The following KCTD8 variants were observed in gnomAD, a reference collection of about 807,000 sequenced individuals.
KCTD8 encodes the protein BTB/POZ domain-containing protein KCTD8.
KCTD8 carries 27 observed loss-of-function variants against 31.5 expected under a neutral mutation model. That is an observed-to-expected ratio of 0.86 (90% CI 0.63 to 1.18). The LOEUF (loss-of-function observed/expected upper bound fraction) is 1.18, where lower values mean the gene tolerates loss of function less well. KCTD8 is among the 50% of genes most tolerant of loss of function. The probability of loss-of-function intolerance (pLI) is 0.00; values close to 1 mark genes in which losing one functional copy is unlikely to be tolerated. For missense variants in KCTD8, 658 were observed against 647.7 expected (o/e 1.02, Z -0.17); for synonymous variants, 290 against 280.0 (o/e 1.04, Z -0.36).
At chr4:44,398,776 C>A (rs553538831) in intron 1 of KCTD8, among the ~76,000 whole-genome samples, 1 of 152,102 alleles carries the variant, frequency 6.6e-6, no homozygotes, top group Non-Finnish European at 1.5e-5. Context: ...GAGCTAGGTA[C>A]GGCATACCCC....
intron 1 of KCTD8, among the ~76,000 whole-genome samples, chr4:44,310,893 C>T (rs1299384027): frequency 6.6e-6 from 1 of 151,920 alleles, no homozygotes; most frequent in Non-Finnish European, 1.5e-5. Context: ...ATACATTAAC[C>T]CTTATAAATC....
At chr4:44,366,479 T>A (rs1719640113) in intron 1 of KCTD8, among the ~76,000 whole-genome samples, 1 of 152,206 alleles carries the variant, frequency 6.6e-6, no homozygotes, top group Non-Finnish European at 1.5e-5. Flanking sequence ...CCTCTTTGCC[T>A]TCTGCTATGA....
chr4:44,303,631 C>T (rs142042754), intron 1 of KCTD8, among the ~76,000 whole-genome samples: 1,780 of 152,030 alleles, frequency 0.012, 32 homozygotes, highest in African/African-American at 0.041. Context: ...GCCTGGGCAA[C>T]ATAGCAAAAT....
intron 1 of KCTD8, among the ~76,000 whole-genome samples, chr4:44,367,342 A>T (rs1490917339): frequency 6.6e-6 from 1 of 152,164 alleles, no homozygotes; most frequent in African/African-American, 2.4e-5. Flanking sequence ...AATTTAACAA[A>T]TTATTCATTT....
chr4:44,395,372 G>T (rs1305595701), intron 1 of KCTD8, among the ~76,000 whole-genome samples: 1 of 152,066 alleles, frequency 6.6e-6, no homozygotes, highest in Admixed American at 6.6e-5. Flanking sequence ...CTGAAATAGG[G>T]TGTAGGCCAA....
intron 1 of KCTD8, among the ~76,000 whole-genome samples, chr4:44,340,555 C>T (rs1475939479): frequency 5.4e-5 from 8 of 149,136 alleles, no homozygotes; most frequent in African/African-American, 7.4e-5. Context: ...TGATCCACCC[C>T]GCCTCGGCCT....
intron 1 of KCTD8, among the ~76,000 whole-genome samples, chr4:44,266,613 G>C (rs955889275): frequency 6.6e-6 from 1 of 150,988 alleles, no homozygotes; most frequent in South Asian, 2.1e-4. Context: ...TGGATAAAGA[G>C]TCAAGACCCA....
chr4:44,200,220 T>A (rs1238326903), intron 1 of KCTD8, among the ~76,000 whole-genome samples: 1 of 151,748 alleles, frequency 6.6e-6, no homozygotes, highest in Non-Finnish European at 1.5e-5. Flanking sequence ...AGCCATATTC[T>A]ACCAGATAGA....
chr4:44,438,649 G>GT (rs1721739908), intron 1 of KCTD8, among the ~76,000 whole-genome samples: 1 of 152,150 alleles, frequency 6.6e-6, no homozygotes, highest in Non-Finnish European at 1.5e-5. Flanking sequence ...ATTTTAAAAA[G>GT]TAAGAACTCA....
intron 1 of KCTD8, among the ~76,000 whole-genome samples, chr4:44,374,313 G>C (rs996288058): frequency 2.0e-5 from 3 of 152,134 alleles, no homozygotes; most frequent in Admixed American, 2.0e-4. Context: ...TCTGCAGTTT[G>C]CTTGCCATTC....
At chr4:44,241,546 G>A (rs1715455981) in intron 1 of KCTD8, among the ~76,000 whole-genome samples, 1 of 152,228 alleles carries the variant, frequency 6.6e-6, no homozygotes, top group African/African-American at 2.4e-5. Flanking sequence ...GTTTGGACCA[G>A]GTGGTCTGGT....
At chr4:44,426,891 A>G (rs908825428) in intron 1 of KCTD8, among the ~76,000 whole-genome samples, 2 of 151,770 alleles carry the variant, frequency 1.3e-5, no homozygotes, top group African/African-American at 2.4e-5. Flanking sequence ...AGCCTATTCA[A>G]TTATGAATAT....
intron 1 of KCTD8, among the ~76,000 whole-genome samples, chr4:44,314,855 T>C (rs1162796922): frequency 6.8e-6 from 1 of 146,038 alleles, no homozygotes; most frequent in Non-Finnish European, 1.5e-5. Flanking sequence ...ATGTTTATTA[T>C]AGAAATAATT....
At chr4:44,179,092 G>A (rs879793258) in intron 1 of KCTD8, among the ~76,000 whole-genome samples, 9 of 151,976 alleles carry the variant, frequency 5.9e-5, no homozygotes, top group Non-Finnish European at 1.2e-4. Context: ...AATTTTCTGG[G>A]AAGATGAACT....
At chr4:44,253,271 G>C (rs866073106) in intron 1 of KCTD8, among the ~76,000 whole-genome samples, 4 of 151,726 alleles carry the variant, frequency 2.6e-5, no homozygotes, top group Non-Finnish European at 4.4e-5. Flanking sequence ...CCATGTTCAT[G>C]AGACAGTTTT....
At chr4:44,328,907 G>C (rs749790416) in intron 1 of KCTD8, among the ~76,000 whole-genome samples, 1 of 151,848 alleles carries the variant, frequency 6.6e-6, no homozygotes, top group Non-Finnish European at 1.5e-5. Flanking sequence ...AGGAAAACTG[G>C]GTTCCAGTCC....
chr4:44,359,303 T>G (rs1295250768), intron 1 of KCTD8, among the ~76,000 whole-genome samples: 1 of 152,118 alleles, frequency 6.6e-6, no homozygotes, highest in Non-Finnish European at 1.5e-5. Flanking sequence ...CACTGTTGCT[T>G]CTTCTATTAA....
At chr4:44,396,630 A>G (rs1318103471) in intron 1 of KCTD8, among the ~76,000 whole-genome samples, 1 of 152,088 alleles carries the variant, frequency 6.6e-6, no homozygotes, top group Non-Finnish European at 1.5e-5. Flanking sequence ...TGAGCTGATT[A>G]ACATCTAAGA....
intron 1 of KCTD8, among the ~76,000 whole-genome samples, chr4:44,316,727 A>T: frequency 6.8e-6 from 1 of 146,892 alleles, no homozygotes; most frequent in East Asian, 2.1e-4. Context: ...GAGGCGGGCC[A>T]ATCACAAGGT....
Sources: allele counts gnomAD v4.1 joint callset (sites outside exome capture counted in the v4.1 genomes callset), GRCh38; gene constraint gnomAD v4.1.1; transcripts MANE v1.5; gene names NCBI Gene and HGNC (gene_info 2026-07-23, HGNC 2026-07-21).